The following TRPC5 variants were observed in gnomAD, a reference collection of about 807,000 sequenced individuals.
TRPC5 encodes the protein transient receptor potential cation channel subfamily C member 5.
In TRPC5, 9 loss-of-function variants were observed where a neutral mutation model predicts 56.5. The observed-to-expected ratio is 0.16, with a 90% CI of 0.10 to 0.28. The LOEUF is 0.28. Among genes scored for constraint, TRPC5 ranks in the 10% least tolerant of loss-of-function variants. The pLI, the probability that TRPC5 is intolerant of heterozygous loss-of-function variation, is 1.00. For synonymous variants in TRPC5, 282 were observed against 278.5 expected (o/e 1.01, Z -0.13); for missense variants, 469 against 748.9 (o/e 0.63, Z 4.36).
At chrX:111,987,502 T>C (rs369828831) in intron 1 of TRPC5, among the ~76,000 whole-genome samples, 14 of 111,287 alleles carry the variant, frequency 1.3e-4, no homozygotes, top group East Asian at 8.5e-4. Context: ...TTGTACCTTT[T>C]GACCTTCATC....
chrX:112,011,330 A>T (rs1363816709), intron 1 of TRPC5, among the ~76,000 whole-genome samples: 1 of 111,795 alleles, frequency 8.9e-6, no homozygotes, highest in East Asian at 2.8e-4. Flanking sequence ...CCTAGCAGCC[A>T]TCCAAGAAAG....
intron 7 of TRPC5, among the ~76,000 whole-genome samples, chrX:111,821,777 A>G: frequency 8.9e-6 from 1 of 112,352 alleles, no homozygotes; most frequent in Non-Finnish European, 1.9e-5. Context: ...TCAGACAATG[A>G]CCTTTGGGCC....
chrX:111,973,585 T>C (rs1303951220), intron 1 of TRPC5, among the ~76,000 whole-genome samples: 1 of 111,708 alleles, frequency 9.0e-6, no homozygotes, highest in Admixed American at 9.5e-5. Context: ...TGGCTTATAG[T>C]GATGTTTCCA....
Position 111,776,668 on chromosome X carries a change from A to G in TRPC5, c.2567T>C (p.Met856Thr), listed in dbSNP as rs1049285259. The change falls in exon 11 of 11, where the codon ATG becomes ACG. Residue 856 changes from methionine (M) to threonine (T), a missense_variant. Transcript: ENST00000262839. ...GLLFSKFNGH[M>T]SEPSSEPMYT... is the part of the protein sequence containing the mutation. The stretch of plus-strand genomic sequence containing the variant: ...CATTGGCTCTGAACTGGGTTCAGAC[A>G]TATGACCATTAAATTTGGAGAATAG... 1 of 1,211,946 alleles carries G rather than the reference A, an allele frequency of 8.3e-7. No homozygotes were observed. Among genetic ancestry groups the G allele is most frequent in the African/African-American group, 1.7e-5 (1 of 57,881 alleles).
chrX:112,009,199 G>A (rs762364775), intron 1 of TRPC5, among the ~76,000 whole-genome samples: 1 of 111,866 alleles, frequency 8.9e-6, no homozygotes, highest in South Asian at 3.8e-4. Flanking sequence ...GAACCTAGCT[G>A]CCATGTGTCA....
intron 1 of TRPC5, among the ~76,000 whole-genome samples, chrX:112,009,404 C>T (rs1281914601): frequency 1.8e-5 from 2 of 111,510 alleles, no homozygotes; most frequent in African/African-American, 3.3e-5. Flanking sequence ...TCCTAGGCAG[C>T]TTTGACAGCC....
chrX:111,965,589 G>A (rs773728576), intron 1 of TRPC5, among the ~76,000 whole-genome samples: 76 of 111,446 alleles, frequency 6.8e-4, no homozygotes, highest in South Asian at 6.1e-3. Context: ...GCACTCCTCC[G>A]CAAATGTAAA....
intron 3 of TRPC5, among the ~76,000 whole-genome samples, chrX:111,906,607 TG>T (rs1274201012): frequency 8.9e-6 from 1 of 111,955 alleles, no homozygotes; most frequent in Non-Finnish European, 1.9e-5. Flanking sequence ...AAAAATGTTC[TG>T]TGTGAAATAC....
rs188410743 is a variant in TRPC5, at chrX:111,947,746, T to C, written c.378+4297A>G. ...GATACTTAGCACAGTGTGGGTTGTA[T>C]GTTACTCATTCATTAAATATACATT... is the stretch of plus-strand genomic sequence containing the variant. On this transcript the variant is annotated intron_variant, in intron 2 of 10. Transcript: ENST00000262839. Among the ~76,000 whole-genome samples, 17 of 112,276 alleles carry C rather than the reference T, an allele frequency of 1.5e-4. No individual in the cohort carries two copies. In the Admixed American group the frequency reaches 1.6e-3, roughly 11 times the overall value.
intron 1 of TRPC5, among the ~76,000 whole-genome samples, chrX:112,028,063 C>T (rs543923229): frequency 1.8e-5 from 2 of 111,646 alleles, no homozygotes; most frequent in South Asian, 7.6e-4. Context: ...CCTCAAATAT[C>T]CCCATGTACA....
chrX:112,018,111 T>C (rs941152017), intron 1 of TRPC5, among the ~76,000 whole-genome samples: 4 of 112,381 alleles, frequency 3.6e-5, no homozygotes, highest in Admixed American at 9.4e-5. Flanking sequence ...TAAATGCAAA[T>C]GGCAAAACCA....
Position 111,774,757 on chromosome X carries a change from T to G in TRPC5, c.*1556A>C, listed in dbSNP as rs980300434. 2 of 111,405 alleles carry G rather than the reference T, an allele frequency of 1.8e-5. No individual in the cohort carries two copies. Among genetic ancestry groups the G allele is most frequent in the African/African-American group, 6.5e-5 (2 of 30,635 alleles). 9.2% of individuals were successfully genotyped at this position (111,405 alleles called of 1,213,427 possible). A position where few individuals can be genotyped will look rare whatever the true frequency, so the allele number is the denominator to read the frequency against. Reference sequence around the variant, plus strand: ...GCAGTTCGAAAGTTCCTCATTTCTCTTACTTTTATCAGAAATTACATACAT... The same window carrying G: ...GCAGTTCGAAAGTTCCTCATTTCTCGTACTTTTATCAGAAATTACATACAT... On this transcript the variant is annotated 3_prime_UTR_variant, in exon 11 of 11. Coordinates refer to ENST00000262839, the MANE Select transcript of TRPC5 (RefSeq NM_012471.3).
At chrX:112,038,860 T>TC (rs1210265210) in intron 1 of TRPC5, among the ~76,000 whole-genome samples, 1 of 105,633 alleles carries the variant, frequency 9.5e-6, no homozygotes, top group Non-Finnish European at 1.9e-5. Context: ...TTTTTTTTTT[T>TC]TTTGTATTTT....
chrX:111,877,006 G>A (rs1923980859), intron 3 of TRPC5, among the ~76,000 whole-genome samples: 1 of 111,408 alleles, frequency 9.0e-6, no homozygotes, highest in African/African-American at 3.3e-5. Flanking sequence ...CTTCAATATT[G>A]ATTAGAAAAA....
intron 3 of TRPC5, among the ~76,000 whole-genome samples, chrX:111,897,748 G>A (rs1925137204): frequency 9.0e-6 from 1 of 111,182 alleles, no homozygotes. Flanking sequence ...ATCACATTGT[G>A]TGAATATACC....
rs192613996 is a variant in TRPC5 at position 111,954,684 on chromosome X, C to T, written c.-21-2243G>A. 5.4e-5 allele frequency among the ~76,000 whole-genome samples: 6 copies of T among 111,711 alleles called. No individual in the cohort carries two copies. In the East Asian group the frequency reaches 1.4e-3, roughly 26 times the overall value. ...TAAGAGGCTACCATGGAAGAAAAGG[C>T]TAGATGTCCTTTCAGATGGTGTCAC... is the stretch of plus-strand genomic sequence containing the variant. On this transcript the variant is annotated intron_variant, in intron 1 of 10. Coordinates refer to ENST00000262839, the MANE Select transcript of TRPC5 (RefSeq NM_012471.3).
chrX:112,010,498 T>C (rs529886142), intron 1 of TRPC5, among the ~76,000 whole-genome samples: 2 of 111,824 alleles, frequency 1.8e-5, no homozygotes, highest in African/African-American at 3.2e-5. Flanking sequence ...TATAGCCTAC[T>C]AGGAACCTAG....
chrX:111,925,720 C>A (rs768794268), intron 2 of TRPC5, among the ~76,000 whole-genome samples: 3 of 111,814 alleles, frequency 2.7e-5, no homozygotes, highest in Non-Finnish European at 3.8e-5. Context: ...TGGAGGGGAA[C>A]AATTTCCTTC....
intron 7 of TRPC5, among the ~76,000 whole-genome samples, chrX:111,784,536 A>G (rs2148550956): frequency 9.0e-6 from 1 of 111,689 alleles, no homozygotes; most frequent in African/African-American, 3.3e-5. Context: ...CAGCATTTCC[A>G]ACTGAGGTAA....
Sources: allele counts gnomAD v4.1 joint callset (sites outside exome capture counted in the v4.1 genomes callset), GRCh38; gene constraint gnomAD v4.1.1; transcripts MANE v1.5; gene names NCBI Gene and HGNC (gene_info 2026-07-23, HGNC 2026-07-21).